SYNPR: variants seen among roughly 807,000 people sequenced by gnomAD.
SYNPR encodes the protein synaptoporin.
In SYNPR, 23 loss-of-function variants were observed where a neutral mutation model predicts 32.9. The ratio of observed to expected loss-of-function variants is 0.70; its 90% confidence interval spans 0.50 to 0.99. SYNPR has a LOEUF of 0.99. SYNPR is among the 50% of genes least tolerant of loss of function. The pLI is 0.00. For missense variants in SYNPR, 318 were observed against 349.3 expected (o/e 0.91, Z 0.71); for synonymous variants, 146 against 135.9 (o/e 1.07, Z -0.52).
rs909606677 is a variant in SYNPR, at chr3:63,411,118, T to C, written c.85-69714T>C. On this transcript the variant is annotated intron_variant, in intron 2 of 5. Coordinates refer to ENST00000478300, the MANE Select transcript of SYNPR (RefSeq NM_001130003.2). ...TAAGTAAAAACCTGATCCGATGCAA[T>C]GTGGAAACTGAATCAGAAAAGTTTC... Among the ~76,000 whole-genome samples the C allele has an allele frequency of 7.9e-5, 12 of 152,210 alleles. 1 individual carries two copies. Among genetic ancestry groups the C allele is most frequent in the East Asian group, 1.9e-4 (1 of 5,178 alleles).
intron 4 of SYNPR, among the ~76,000 whole-genome samples, chr3:63,608,892 G>T (rs958560632): frequency 6.6e-6 from 1 of 151,932 alleles, no homozygotes; most frequent in African/African-American, 2.4e-5. Context: ...CATCATTCCT[G>T]GGATATAGTA....
At chr3:63,250,506 G>A (rs982899101) in intron 1 of SYNPR, among the ~76,000 whole-genome samples, 3 of 152,054 alleles carry the variant, frequency 2.0e-5, no homozygotes, top group African/African-American at 7.2e-5. Context: ...AACTTTTTGG[G>A]AGAGAGCTCT....
intron 3 of SYNPR, among the ~76,000 whole-genome samples, chr3:63,549,149 T>C (rs1005936648): frequency 1.3e-5 from 2 of 152,198 alleles, no homozygotes; most frequent in African/African-American, 4.8e-5. Flanking sequence ...TTAGCAAGTT[T>C]TTAATGGCTT....
intron 4 of SYNPR, among the ~76,000 whole-genome samples, chr3:63,570,241 A>G (rs1052032398): frequency 6.6e-6 from 1 of 152,156 alleles, no homozygotes; most frequent in Non-Finnish European, 1.5e-5. Flanking sequence ...AAAGGAAAGA[A>G]TTGATGACAT....
At chr3:63,476,765 T>C (rs1051255313) in intron 2 of SYNPR, among the ~76,000 whole-genome samples, 1 of 152,206 alleles carries the variant, frequency 6.6e-6, no homozygotes, top group Non-Finnish European at 1.5e-5. Context: ...TATAACCTCC[T>C]GTCCAGAATA....
intron 2 of SYNPR, among the ~76,000 whole-genome samples, chr3:63,312,665 C>A (rs564677516): frequency 6.6e-6 from 1 of 152,100 alleles, no homozygotes; most frequent in South Asian, 2.1e-4. Context: ...GAATAAGCTC[C>A]TTATCCTGCT....
intron 2 of SYNPR, among the ~76,000 whole-genome samples, chr3:63,473,787 G>A (rs752259736): frequency 3.3e-5 from 5 of 152,172 alleles, no homozygotes; most frequent in Non-Finnish European, 7.3e-5. Context: ...CAGCTGGAGG[G>A]AGCTCAGTTT....
chr3:63,525,316 T>C (rs1701991897), intron 3 of SYNPR, among the ~76,000 whole-genome samples: 1 of 152,194 alleles, frequency 6.6e-6, no homozygotes, highest in Non-Finnish European at 1.5e-5. Context: ...TAGAATCAGC[T>C]GTGGAACTTT....
chr3:63,583,594 T>A (rs527557492), intron 4 of SYNPR, among the ~76,000 whole-genome samples: 47 of 152,194 alleles, frequency 3.1e-4, no homozygotes, highest in Admixed American at 2.8e-3. Flanking sequence ...AGGTGCCAGT[T>A]GGCATATTTT....
intron 4 of SYNPR, among the ~76,000 whole-genome samples, chr3:63,578,186 G>A (rs537716482): frequency 6.6e-6 from 1 of 152,134 alleles, no homozygotes; most frequent in African/African-American, 2.4e-5. Flanking sequence ...ATAGTGTAAG[G>A]TGGTGATTAC....
chr3:63,536,076 C>T (rs566690515), intron 3 of SYNPR, among the ~76,000 whole-genome samples: 13 of 151,870 alleles, frequency 8.6e-5, no homozygotes, highest in African/African-American at 2.9e-4. Flanking sequence ...GACCAGCCTG[C>T]TCAACATAAG....
At chr3:63,530,071 G>C (rs1339258557) in intron 3 of SYNPR, among the ~76,000 whole-genome samples, 1 of 152,236 alleles carries the variant, frequency 6.6e-6, no homozygotes, top group Non-Finnish European at 1.5e-5. Context: ...CCATGCCTGT[G>C]AGGGCCAGTG....
chr3:63,579,664 T>A (rs1025861846), intron 4 of SYNPR, among the ~76,000 whole-genome samples: 4 of 152,096 alleles, frequency 2.6e-5, no homozygotes, highest in African/African-American at 9.7e-5. Flanking sequence ...TTTATTGACT[T>A]TTTGTTGTTT....
chr3:63,418,670 G>C (rs1365838284), intron 2 of SYNPR, among the ~76,000 whole-genome samples: 1 of 152,170 alleles, frequency 6.6e-6, no homozygotes, highest in South Asian at 2.1e-4. Context: ...TACACAACAT[G>C]GCAGCAGGCA....
intron 2 of SYNPR, among the ~76,000 whole-genome samples, chr3:63,303,548 G>A (rs2086878617): frequency 6.6e-6 from 1 of 152,106 alleles, no homozygotes; most frequent in South Asian, 2.1e-4. Flanking sequence ...TTTATCCTAT[G>A]GGGTCAGACA....
intron 2 of SYNPR, among the ~76,000 whole-genome samples, chr3:63,446,196 G>A (rs1468695792): frequency 6.6e-6 from 1 of 151,688 alleles, no homozygotes; most frequent in Non-Finnish European, 1.5e-5. Context: ...CGTCATTGGT[G>A]CAAAATATAA....
At chr3:63,448,952 T>G (rs1304450973) in intron 2 of SYNPR, among the ~76,000 whole-genome samples, 1 of 152,208 alleles carries the variant, frequency 6.6e-6, no homozygotes, top group African/African-American at 2.4e-5. Flanking sequence ...TCCACTTATT[T>G]ACTGATGTGA....
At chr3:63,479,446 G>GCGCGCACGCACACACACA (rs6147854) in intron 2 of SYNPR, among the ~76,000 whole-genome samples, 1 of 135,742 alleles carries the variant, frequency 7.4e-6, no homozygotes, top group Non-Finnish European at 1.6e-5. Flanking sequence ...CCACACACAT[G>GCGCGCACGCACACACACA]CACACACACA....
At chr3:63,201,077 G>A in the SYNPR span, among the ~76,000 whole-genome samples, 2 of 152,114 alleles carry the variant, frequency 1.3e-5, no homozygotes, top group African/African-American at 4.8e-5. Flanking sequence ...ATAGCATAGA[G>A]CCAAAATTAT....
Sources: gnomAD v4.1 joint callset for allele counts (sites outside exome capture counted in the v4.1 genomes callset) on GRCh38, gnomAD v4.1.1 for gene constraint, MANE v1.5 for transcripts, NCBI Gene and HGNC (gene_info 2026-07-23, HGNC 2026-07-21) for gene names.